The following WWTR1 variants were observed in gnomAD, a reference collection of about 807,000 sequenced individuals.
The protein encoded by WWTR1 is WW domain-containing transcription regulator protein 1.
In WWTR1, 13 loss-of-function variants were observed where a neutral mutation model predicts 40.1. The observed-to-expected ratio is 0.32, with a 90% confidence interval of 0.21 to 0.52. The LOEUF (loss-of-function observed/expected upper bound fraction) is 0.52, where lower values mean the gene tolerates loss of function less well. WWTR1 is among the 20% of genes least tolerant of loss of function. WWTR1 has a pLI of 0.97. For missense variants in WWTR1, 436 were observed against 523.1 expected (o/e 0.83, Z 1.63); for synonymous variants, 230 against 210.1 (o/e 1.09, Z -0.82).
chr3:149,713,133 CTT>C lies in WWTR1; in HGVS notation n.584+4307_584+4308del, dbSNP rs202112397. ...ACTCAGAAAAGAAAAGGGTCTAAAACTTATGATTTGCAGGTGAAGGTGGGGTT... is the reference window on the plus strand; with the variant it reads ...ACTCAGAAAAGAAAAGGGTCTAAAACATGATTTGCAGGTGAAGGTGGGGTT... On this transcript the variant is annotated intron_variant and non_coding_transcript_variant, in intron 5 of 6. Coordinates refer to the WWTR1 transcript ENST00000474080. 4.1e-3 allele frequency among the ~76,000 whole-genome samples: 627 copies of C among 152,258 alleles called. 5 individuals carry two copies. Among genetic ancestry groups the C allele is most frequent in the African/African-American group, 0.014 (602 of 41,540 alleles).
intron 1 of WWTR1, among the ~76,000 whole-genome samples, chr3:149,696,235 C>T (rs142673258): frequency 9.2e-5 from 14 of 152,080 alleles, no homozygotes; most frequent in African/African-American, 3.1e-4. Context: ...TATCACCTTC[C>T]TCCAAATCTG....
At chr3:149,671,235 C>CG (rs1714077121) in intron 1 of WWTR1, among the ~76,000 whole-genome samples, 2 of 151,890 alleles carry the variant, frequency 1.3e-5, no homozygotes, top group South Asian at 4.2e-4. Flanking sequence ...TCAGAAGAAA[C>CG]GGGTCTACAC....
intron 1 of WWTR1, among the ~76,000 whole-genome samples, chr3:149,688,818 C>T (rs2108211030): frequency 6.6e-6 from 1 of 152,090 alleles, no homozygotes; most frequent in South Asian, 2.1e-4. Flanking sequence ...GTAACCAATC[C>T]CAGAGTGACC....
chr3:149,628,870 C>G (rs980489465), intron 2 of WWTR1, among the ~76,000 whole-genome samples: 2 of 151,784 alleles, frequency 1.3e-5, no homozygotes, highest in African/African-American at 4.8e-5. Context: ...ACCTCCCAGG[C>G]TCATGTGATC....
At chr3:149,654,889 C>T (rs916266449) in intron 2 of WWTR1, among the ~76,000 whole-genome samples, 2 of 151,050 alleles carry the variant, frequency 1.3e-5, no homozygotes, top group East Asian at 2.0e-4. Context: ...TTTGGGAGGC[C>T]GAGGCGGGCA....
At chr3:149,561,955 G>T (rs568908013) in intron 3 of WWTR1, among the ~76,000 whole-genome samples, 138 of 152,206 alleles carry the variant, frequency 9.1e-4, no homozygotes, top group African/African-American at 3.2e-3. Flanking sequence ...TGCCATATGC[G>T]TGTGTTACTT....
At chr3:149,524,640 A>G (rs146857659) in intron 6 of WWTR1, among the ~76,000 whole-genome samples, 2 of 152,308 alleles carry the variant, frequency 1.3e-5, no homozygotes, top group Middle Eastern at 3.4e-3. Flanking sequence ...TAGTCTTTGC[A>G]ATCTTCTCAA....
intron 2 of WWTR1, among the ~76,000 whole-genome samples, chr3:149,667,174 T>G (rs919830503): frequency 1.3e-5 from 2 of 152,224 alleles, no homozygotes; most frequent in African/African-American, 4.8e-5. Flanking sequence ...GTCTCTACTT[T>G]TTAAGAGTTG....
At chr3:149,605,817 CT>C (rs1174786379) in intron 2 of WWTR1, among the ~76,000 whole-genome samples, 1 of 152,170 alleles carries the variant, frequency 6.6e-6, no homozygotes, top group East Asian at 1.9e-4. Flanking sequence ...TCTCCTGAAT[CT>C]AATATCCTGT....
intron 2 of WWTR1, among the ~76,000 whole-genome samples, chr3:149,652,627 A>G: frequency 3.3e-5 from 1 of 30,476 alleles, no homozygotes; most frequent in Non-Finnish European, 6.0e-5. Context: ...TCTCAAAAAA[A>G]AAAAAAAAAA....
intron 3 of WWTR1, among the ~76,000 whole-genome samples, chr3:149,549,954 A>G (rs1736541936): frequency 6.6e-6 from 1 of 152,242 alleles, no homozygotes; most frequent in South Asian, 2.1e-4. Flanking sequence ...ATCTGAATAA[A>G]GTATGGATTT....
At chr3:149,720,001 C>T (rs1407404930) in intron 4 of WWTR1, among the ~76,000 whole-genome samples, 1 of 152,136 alleles carries the variant, frequency 6.6e-6, no homozygotes, top group East Asian at 1.9e-4. Context: ...TAGGAGTTCT[C>T]CATATATTCT....
intron 1 of WWTR1, among the ~76,000 whole-genome samples, chr3:149,687,597 AGAT>A (rs1324713057): frequency 6.6e-6 from 1 of 152,212 alleles, no homozygotes; most frequent in East Asian, 1.9e-4. Context: ...TCCATTTTGC[AGAT>A]GATGATATTG....
At position 149,542,477 on chromosome 3, in the gene WWTR1, G is replaced by A; in HGVS notation, c.629C>T (p.Pro210Leu). 1 of 1,614,012 alleles carries A rather than the reference G, an allele frequency of 6.2e-7. No individual in the cohort carries two copies. The highest frequency in any genetic ancestry group is 8.5e-7 in the Non-Finnish European group (1 of 1,179,920). ...APSTLSQQNH[P>L]TQNPPAGLMS... ...GAGCCCTGCGGGTGGGTTCTGAGTG[G>A]GGTGGTTCTGCTGGCTCAGGGTACT... The change falls in exon 4 of 7, where the codon CCC becomes CTC. Residue 210 changes from proline (P) to leucine (L), a missense_variant. By Grantham distance (98) the Pro-to-Leu change is moderately conservative. Coordinates refer to ENST00000360632, the MANE Select transcript of WWTR1 (RefSeq NM_015472.6).
chr3:149,540,348 A>G lies in WWTR1; in HGVS notation c.771+1987T>C, dbSNP rs192878977. On this transcript the variant is annotated intron_variant, in intron 4 of 6. Coordinates refer to ENST00000360632, the MANE Select transcript of WWTR1 (RefSeq NM_015472.6). The stretch of plus-strand genomic sequence containing the variant: ...AAGGCACCTACAGCTGGAATAAAGG[A>G]AACAATTTGGGGCACTTTTCCCACC... 1.1e-3 allele frequency: 497 copies of G among 450,454 alleles called. 1 individual carries two copies. The highest frequency in any genetic ancestry group is 1.7e-3 in the Non-Finnish European group (370 of 223,370). The allele number at this position is 450,454 out of a possible 1,614,324, so 27.9% of individuals were successfully genotyped here.
intron 2 of WWTR1, among the ~76,000 whole-genome samples, chr3:149,652,146 T>C (rs1340081496): frequency 1.3e-5 from 2 of 151,838 alleles, no homozygotes; most frequent in African/African-American, 2.4e-5. Flanking sequence ...CCCGGCCTTA[T>C]GGATTTTCAA....
At chr3:149,640,509 C>T (rs1408039717) in intron 2 of WWTR1, among the ~76,000 whole-genome samples, 12 of 152,138 alleles carry the variant, frequency 7.9e-5, no homozygotes, top group Admixed American at 6.5e-4. Context: ...CAACCTCTGC[C>T]TCCCTGGTTC....
intron 5 of WWTR1, among the ~76,000 whole-genome samples, chr3:149,714,511 CG>C (rs1292523249): frequency 7.2e-5 from 11 of 152,256 alleles, no homozygotes; most frequent in Non-Finnish European, 1.3e-4. Context: ...CTCAGGGCAC[CG>C]CTGAGACACC....
At chr3:149,719,905 A>T (rs1352699494) in intron 4 of WWTR1, among the ~76,000 whole-genome samples, 6 of 152,226 alleles carry the variant, frequency 3.9e-5, no homozygotes, top group Admixed American at 2.0e-4. Context: ...GGCCATTTGT[A>T]TATCTTCTTG....
Sources: allele counts gnomAD v4.1 joint callset (sites outside exome capture counted in the v4.1 genomes callset), GRCh38; gene constraint gnomAD v4.1.1; transcripts MANE v1.5; gene names NCBI Gene and HGNC (gene_info 2026-07-23, HGNC 2026-07-21).